Variants in ESRRB observed in about 807,000 individuals in gnomAD.
ESRRB encodes the protein estrogen related receptor beta.
ESRRB carries 16 observed loss-of-function variants against 46.0 expected under a neutral mutation model. The observed-to-expected ratio is 0.35, with a 90% CI of 0.24 to 0.53. The LOEUF is 0.53. Among genes scored for constraint, ESRRB ranks in the 20% least tolerant of loss-of-function variants. The pLI is 0.93. For missense variants in ESRRB, 488 were observed against 607.4 expected, an observed-to-expected ratio of 0.80 and a Z score of 2.07; for synonymous variants, 246 against 259.6, an observed-to-expected ratio of 0.95 and a Z score of 0.50.
chr14:76,390,044 C>G (rs1885403908), intron 1 of ESRRB, among the ~76,000 whole-genome samples: 1 of 152,162 alleles, frequency 6.6e-6, no homozygotes, highest in Non-Finnish European at 1.5e-5. Flanking sequence ...CCGCCGTCCC[C>G]CAGCTGGCCA....
Position 76,362,832 on chromosome 14 carries a change from G to A in ESRRB, c.2+51916G>A, listed in dbSNP as rs1010090726. ...TTCTTCCCGCTTGCCTAGGTTTTTTGTTGCTTTCTACAGCAAGTTTCTATG... is the reference window on the plus strand; with the variant it reads ...TTCTTCCCGCTTGCCTAGGTTTTTTATTGCTTTCTACAGCAAGTTTCTATG... On this transcript the variant is annotated intron_variant, in intron 1 of 6. Coordinates refer to the ESRRB transcript ENST00000512784. 1.4e-4 allele frequency among the ~76,000 whole-genome samples: 22 copies of A among 152,150 alleles called. No individual in the cohort carries two copies. The South Asian group carries it at 2.1e-3, about 14-fold the overall frequency.
At chr14:76,336,280 G>A (rs1884125487) in intron 1 of ESRRB, among the ~76,000 whole-genome samples, 1 of 140,160 alleles carries the variant, frequency 7.1e-6, no homozygotes, top group Non-Finnish European at 1.6e-5. Context: ...TCATGTTTCA[G>A]CCAAAGGAAC....
At chr14:76,485,894 T>C (rs898763631) in intron 5 of ESRRB, among the ~76,000 whole-genome samples, 5 of 152,176 alleles carry the variant, frequency 3.3e-5, no homozygotes, top group Admixed American at 2.0e-4. Context: ...ATGCACATAT[T>C]GAGAAGTCAC....
intron 3 of ESRRB, among the ~76,000 whole-genome samples, chr14:76,473,535 C>T (rs1159189750): frequency 6.6e-6 from 1 of 152,206 alleles, no homozygotes; most frequent in African/African-American, 2.4e-5. Context: ...AGGTGCAGGG[C>T]CACGCTTTGC....
At chr14:76,334,334 G>C (rs1028277959) in intron 1 of ESRRB, among the ~76,000 whole-genome samples, 3 of 152,100 alleles carry the variant, frequency 2.0e-5, no homozygotes, top group African/African-American at 7.2e-5. Context: ...AGAACTCTAA[G>C]GGCCGAGACC....
rs746745430 is a variant in ESRRB, at chr14:76,439,658, T to G, written c.368T>G (p.Leu123Arg). ...EYMLNAIPKR[L>R]CLVCGDIASG... ...ATGCTCAACGCCATCCCCAAGCGCC[T>G]GTGCCTCGTGTGCGGGGACATTGCC... The change falls in exon 2 of 7, where the codon CTG (leucine) becomes CGG (arginine). Residue 123 changes from leucine (L) to arginine (R), a missense_variant. Leu to Arg is a moderately radical substitution (Grantham distance 102). Coordinates refer to ENST00000644823, the MANE Select transcript of ESRRB (RefSeq NM_001379180.1). The G allele has an allele frequency of 6.2e-7, 1 of 1,614,234 alleles. No individual in the cohort carries two copies. Among genetic ancestry groups the G allele is most frequent in the African/African-American group, 1.3e-5 (1 of 75,072 alleles).
intron 1 of ESRRB, among the ~76,000 whole-genome samples, chr14:76,314,389 C>T (rs1883772851): frequency 1.3e-5 from 2 of 152,156 alleles, no homozygotes; most frequent in Non-Finnish European, 2.9e-5. Flanking sequence ...CTCCCCAGAT[C>T]GCTTCTCCTG....
rs538596170 is a variant in ESRRB at position 76,399,796 on chromosome 14, T to A, written c.50+23345T>A. On this transcript the variant is annotated intron_variant, in intron 1 of 6. Transcript: ENST00000644823. ...CCATGAGGAAGGGGACAGCGCTCAC[T>A]AGGGTGTATAAATACCGGTTGGTCA... Among the ~76,000 whole-genome samples, 5 of 152,268 alleles carry A rather than the reference T, an allele frequency of 3.3e-5. No individual in the cohort carries two copies. In the East Asian group the frequency reaches 9.6e-4, roughly 29 times the overall value.
At chr14:76,394,490 AC>A (rs1885594488) in intron 1 of ESRRB, among the ~76,000 whole-genome samples, 1 of 151,842 alleles carries the variant, frequency 6.6e-6, no homozygotes, top group Non-Finnish European at 1.5e-5. Flanking sequence ...TGTGGCTGGT[AC>A]TCTCCTCCCC....
chr14:76,351,815 T>C (rs931746541), intron 1 of ESRRB, among the ~76,000 whole-genome samples: 2 of 151,980 alleles, frequency 1.3e-5, no homozygotes, highest in African/African-American at 4.8e-5. Context: ...GGACTCTCTA[T>C]AGCTGATGAA....
intron 1 of ESRRB, among the ~76,000 whole-genome samples, chr14:76,430,918 C>G (rs972770334): frequency 6.6e-6 from 1 of 152,218 alleles, no homozygotes; most frequent in Non-Finnish European, 1.5e-5. Flanking sequence ...GGACGCTTAT[C>G]AGGCCAGTCC....
intron 1 of ESRRB, among the ~76,000 whole-genome samples, chr14:76,356,463 C>A: frequency 6.6e-6 from 1 of 152,182 alleles, no homozygotes; most frequent in East Asian, 1.9e-4. Context: ...AGACTCTAGC[C>A]CCAAAGCCTG....
rs903336163 is a variant in ESRRB, at chr14:76,335,453, CAT to C, written c.2+24538_2+24539del. On this transcript the variant is annotated intron_variant, in intron 1 of 6. Coordinates refer to the ESRRB transcript ENST00000512784. ...AGGGGCCAGTACAATTTAATGTACA[CAT>C]GTTATTTATTTAACCAACATTTATA... is the stretch of plus-strand genomic sequence containing the variant. 1.8e-4 allele frequency among the ~76,000 whole-genome samples: 28 copies of C among 152,314 alleles called. 1 individual carries two copies. The highest frequency in any genetic ancestry group is 6.5e-4 in the African/African-American group (27 of 41,566).
intron 1 of ESRRB, among the ~76,000 whole-genome samples, chr14:76,402,368 G>A (rs1885981132): frequency 6.6e-6 from 1 of 152,294 alleles, no homozygotes; most frequent in East Asian, 1.9e-4. Context: ...TGTAGTAAAG[G>A]TTCTGAGAAT....
intron 1 of ESRRB, among the ~76,000 whole-genome samples, chr14:76,316,599 G>A (rs7157644): frequency 0.79 from 120,390 of 152,046 alleles, 47,951 homozygotes; most frequent in South Asian, 0.86. Context: ...GCCACTTCTA[G>A]TCACTTCATC....
chr14:76,490,664 A>G (rs1195173881), intron 5 of ESRRB, among the ~76,000 whole-genome samples: 2 of 152,038 alleles, frequency 1.3e-5, no homozygotes, highest in Non-Finnish European at 2.9e-5. Context: ...ACAGTTCTGG[A>G]GCCTTCTCCA....
intron 2 of ESRRB, among the ~76,000 whole-genome samples, chr14:76,447,550 A>T (rs1888204415): frequency 6.6e-6 from 1 of 151,974 alleles, no homozygotes; most frequent in African/African-American, 2.4e-5. Context: ...GAACATTTCC[A>T]CTTGGATGCC....
rs1256609856 is a variant in ESRRB at position 76,363,433 on chromosome 14, C to G, written c.2+52517C>G. ...ACGGTCTTCCTTTTCTTCACCTCCT[C>G]CTTCTTGTTCCGGCTGCCCTTCATC... On this transcript the variant is annotated intron_variant, in intron 1 of 6. Coordinates refer to the ESRRB transcript ENST00000512784. Among the ~76,000 whole-genome samples the G allele has an allele frequency of 3.3e-5, 5 of 152,182 alleles. No individual in the cohort carries two copies. The South Asian group carries it at 6.2e-4, about 19-fold the overall frequency.
rs1351451364 is a variant in ESRRB at position 76,498,233 on chromosome 14, T to C, written c.1140T>C (p.Asp380=). The C allele has an allele frequency of 6.2e-7, 1 of 1,613,774 alleles. No individual in the cohort carries two copies. Among genetic ancestry groups the C allele is most frequent in the Admixed American group, 1.7e-5 (1 of 60,018 alleles). The change falls in exon 7 of 7, where the codon GAT becomes GAC. Residue 380 remains aspartate (D), a synonymous_variant. Coordinates refer to ENST00000644823, the MANE Select transcript of ESRRB (RefSeq NM_001379180.1). ...CTGCAGATTCCATGTACATCGAGGA[T>C]CTAGAGGCTGTCCAGAAGCTGCAGG... is the stretch of plus-strand genomic sequence containing the variant. ...LANSDSMYIE[D]LEAVQKLQDL... is the part of the protein sequence containing the mutation.
Sources: allele counts gnomAD v4.1 joint callset (sites outside exome capture counted in the v4.1 genomes callset), GRCh38; gene constraint gnomAD v4.1.1; transcripts MANE v1.5; gene names NCBI Gene and HGNC (gene_info 2026-07-23, HGNC 2026-07-21).